The following SORCS3 variants were observed in gnomAD, a reference collection of about 807,000 sequenced individuals.
SORCS3 encodes VPS10 domain-containing receptor SorCS3.
Under a neutral mutation model 146.3 loss-of-function variants are expected in SORCS3, and 57 were observed. That is an observed-to-expected ratio of 0.39 (90% CI 0.31 to 0.49). The LOEUF is 0.49. Among genes scored for constraint, SORCS3 ranks in the 20% least tolerant of loss-of-function variants. The probability of loss-of-function intolerance (pLI) is 0.92; values close to 1 mark genes in which losing one functional copy is unlikely to be tolerated. For synonymous variants in SORCS3, 653 were observed against 618.5 expected, an observed-to-expected ratio of 1.06 and a Z score of -0.83; for missense variants, 1,341 against 1,575.5, an observed-to-expected ratio of 0.85 and a Z score of 2.52.
chr10:105,139,506 C>A lies in SORCS3; in HGVS notation c.1302+20C>A. On this transcript the variant is annotated intron_variant, in intron 8 of 26. Transcript: ENST00000369701. ...CCAAAGGTACTGCATGCACCACTAG[C>A]GGTCCTGGGTCCCTCTAGGCAAAGG... 1 of 1,593,754 alleles carries A rather than the reference C, an allele frequency of 6.3e-7. No homozygotes were observed. The highest frequency in any genetic ancestry group is 8.6e-7 in the Non-Finnish European group (1 of 1,162,080).
At chr10:104,978,394 C>G (rs900553306) in intron 4 of SORCS3, among the ~76,000 whole-genome samples, 1 of 152,154 alleles carries the variant, frequency 6.6e-6, no homozygotes. Flanking sequence ...GCTCCAAATA[C>G]GTATATTCAG....
At chr10:104,951,948 C>T (rs1386775791) in intron 3 of SORCS3, among the ~76,000 whole-genome samples, 2 of 151,786 alleles carry the variant, frequency 1.3e-5, no homozygotes, top group Admixed American at 6.6e-5. Context: ...ACCAGTGAAC[C>T]CACCAATAGA....
chr10:104,948,818 G>A (rs1018470097), intron 3 of SORCS3, among the ~76,000 whole-genome samples: 5 of 152,176 alleles, frequency 3.3e-5, no homozygotes, highest in Non-Finnish European at 2.9e-5. Flanking sequence ...ATTATTCACA[G>A]TGAGGTCTCC....
chr10:104,939,632 A>T (rs969843956), intron 3 of SORCS3, among the ~76,000 whole-genome samples: 3 of 152,146 alleles, frequency 2.0e-5, no homozygotes, highest in African/African-American at 7.2e-5. Flanking sequence ...AGGCCAGCCA[A>T]ACTGTCCCTG....
At chr10:104,907,702 T>G (rs2018921246) in intron 2 of SORCS3, among the ~76,000 whole-genome samples, 1 of 152,216 alleles carries the variant, frequency 6.6e-6, no homozygotes, top group Non-Finnish European at 1.5e-5. Context: ...TGTGCCTCTC[T>G]TTGTGAGACT....
rs957969477 is a variant in SORCS3 at position 105,199,860 on chromosome 10, C to T, written c.2010-139C>T. 4.6e-6 allele frequency: 3 copies of T among 649,320 alleles called. No homozygotes were observed. In the African/African-American group the frequency reaches 5.5e-5, roughly 12 times the overall value. The allele number at this position is 649,320 out of a possible 1,614,324, so 40.2% of individuals were successfully genotyped here. On this transcript the variant is annotated intron_variant, in intron 14 of 26. Coordinates refer to ENST00000369701, the MANE Select transcript of SORCS3 (RefSeq NM_014978.3). ...GATAGTGGACTTTCTCCTTAATGGC[C>T]CTCAAGGAACTCACTTTGGAAGAAT...
chr10:105,223,292 A>G (rs757054376), intron 20 of SORCS3, 43 bp downstream of exon 20: 1 of 1,547,706 alleles, frequency 6.5e-7, no homozygotes, highest in South Asian at 1.2e-5. Flanking sequence ...TCTGTACTGA[A>G]TGCTCCTATG....
chr10:105,094,837 T>C (rs2055734524), intron 6 of SORCS3, among the ~76,000 whole-genome samples: 1 of 152,158 alleles, frequency 6.6e-6, no homozygotes, highest in Admixed American at 6.5e-5. Flanking sequence ...CCCAGAATCA[T>C]GAGAGGTGGT....
chr10:104,821,391 G>A lies in SORCS3; in HGVS notation c.628-21401G>A, dbSNP rs889789004. Among the ~76,000 whole-genome samples the A allele has an allele frequency of 1.5e-4, 23 of 152,152 alleles. 1 individual carries two copies. The highest frequency in any genetic ancestry group is 2.9e-4 in the Non-Finnish European group (20 of 68,024). Reference sequence around the variant, plus strand: ...GCTGATGCTTAAAGAGTGGATAGCTGGAAGCTGGCAGGCAGAGAAGGGCAG... The same window carrying A: ...GCTGATGCTTAAAGAGTGGATAGCTAGAAGCTGGCAGGCAGAGAAGGGCAG... On this transcript the variant is annotated intron_variant, in intron 1 of 26. Coordinates refer to ENST00000369701, the MANE Select transcript of SORCS3 (RefSeq NM_014978.3).
intron 1 of SORCS3, among the ~76,000 whole-genome samples, chr10:104,660,885 A>G (rs1328517995): frequency 6.6e-6 from 1 of 152,222 alleles, no homozygotes; most frequent in Non-Finnish European, 1.5e-5. Context: ...GCTCTGGCCA[A>G]AGACTGGCTC....
rs536857963 is a variant in SORCS3 at position 105,122,220 on chromosome 10, A to G, written c.1212+16705A>G. ...CCCATTACCGCTCTAATTAGAGTAT[A>G]TCTCTATGATTTCAGAGTTTCAGCT... On this transcript the variant is annotated intron_variant, in intron 7 of 26. Transcript: ENST00000369701. Among the ~76,000 whole-genome samples the G allele has an allele frequency of 5.3e-5, 8 of 152,310 alleles. No individual in the cohort carries two copies. In the East Asian group the frequency reaches 1.5e-3, roughly 29 times the overall value.
chr10:104,661,555 C>G (rs1287513646), intron 1 of SORCS3, among the ~76,000 whole-genome samples: 1 of 152,086 alleles, frequency 6.6e-6, no homozygotes, highest in Non-Finnish European at 1.5e-5. Flanking sequence ...TTGGCTAAGC[C>G]TTTTTAAGAG....
chr10:105,235,720 C>G (rs2056789428), intron 20 of SORCS3, among the ~76,000 whole-genome samples: 1 of 151,890 alleles, frequency 6.6e-6, no homozygotes, highest in Admixed American at 6.6e-5. Context: ...AGGGAGGCAG[C>G]ACGATATAGT....
intron 3 of SORCS3, among the ~76,000 whole-genome samples, chr10:104,926,641 C>T (rs1444528078): frequency 6.6e-6 from 1 of 152,206 alleles, no homozygotes; most frequent in Non-Finnish European, 1.5e-5. Flanking sequence ...TCTGCCTTCG[C>T]AAGTGTGACC....
intron 14 of SORCS3, among the ~76,000 whole-genome samples, chr10:105,189,673 T>A (rs1342117462): frequency 6.6e-6 from 1 of 152,190 alleles, no homozygotes; most frequent in African/African-American, 2.4e-5. Context: ...TGAAGAGCAG[T>A]CAGCTTGGAA....
At chr10:105,116,851 A>G (rs946525953) in intron 7 of SORCS3, among the ~76,000 whole-genome samples, 8 of 152,138 alleles carry the variant, frequency 5.3e-5, no homozygotes, top group African/African-American at 1.9e-4. Flanking sequence ...ATATGGACAC[A>G]AAGAAGGGAA....
chr10:104,962,034 T>C (rs536123513), intron 3 of SORCS3, among the ~76,000 whole-genome samples: 2 of 151,816 alleles, frequency 1.3e-5, no homozygotes, highest in Non-Finnish European at 2.9e-5. Context: ...TATTAATATA[T>C]TTATAAATTT....
intron 1 of SORCS3, among the ~76,000 whole-genome samples, chr10:104,767,302 A>G (rs945372332): frequency 7.9e-5 from 12 of 152,208 alleles, no homozygotes; most frequent in Non-Finnish European, 1.8e-4. Flanking sequence ...AGCAATGGAA[A>G]AAATGACCTT....
At chr10:104,690,389 GT>G (rs1301059704) in intron 1 of SORCS3, among the ~76,000 whole-genome samples, 4 of 152,186 alleles carry the variant, frequency 2.6e-5, no homozygotes, top group Admixed American at 1.3e-4. Flanking sequence ...AAGAATGTCA[GT>G]TTGGAAACAG....
Sources: gnomAD v4.1 joint callset for allele counts (sites outside exome capture counted in the v4.1 genomes callset) on GRCh38, gnomAD v4.1.1 for gene constraint, MANE v1.5 for transcripts, NCBI Gene and HGNC (gene_info 2026-07-23, HGNC 2026-07-21) for gene names.